Variants in CNTLN observed in about 807,000 individuals in gnomAD.
The protein encoded by CNTLN is centlein, also known as centlein, centrosomal protein.
Under a neutral mutation model 180.0 loss-of-function variants are expected in CNTLN, and 212 were observed. The ratio of observed to expected loss-of-function variants is 1.18; its 90% CI spans 1.05 to 1.32. The LOEUF is 1.32. Among genes scored for constraint, CNTLN ranks in the 40% most tolerant of loss-of-function variants. CNTLN has a pLI of 0.00. For missense variants in CNTLN, 2,095 were observed against 1,610.9 expected, an observed-to-expected ratio of 1.30 and a Z score of -5.14; for synonymous variants, 722 against 563.1, an observed-to-expected ratio of 1.28 and a Z score of -3.99.
intron 20 of CNTLN, among the ~76,000 whole-genome samples, chr9:17,463,575 A>G (rs1831576363): frequency 6.6e-6 from 1 of 151,668 alleles, no homozygotes; most frequent in Non-Finnish European, 1.5e-5. Context: ...TCACTGATAC[A>G]TTTGAGATAT....
intron 13 of CNTLN, among the ~76,000 whole-genome samples, chr9:17,380,935 C>T (rs1218661713): frequency 6.6e-6 from 1 of 152,206 alleles, no homozygotes; most frequent in African/African-American, 2.4e-5. Flanking sequence ...CACAATGCAA[C>T]AAGTGTAAAC....
At chr9:17,233,818 A>C (rs989740168) in intron 3 of CNTLN, among the ~76,000 whole-genome samples, 2 of 152,182 alleles carry the variant, frequency 1.3e-5, no homozygotes, top group African/African-American at 2.4e-5. Context: ...TAAGTTCAGA[A>C]GTAAGCAAAA....
intron 13 of CNTLN, among the ~76,000 whole-genome samples, chr9:17,381,486 G>T (rs991732620): frequency 6.6e-6 from 1 of 152,174 alleles, no homozygotes; most frequent in Non-Finnish European, 1.5e-5. Flanking sequence ...CCAGGTGGCA[G>T]TTTTCCAAAT....
chr9:17,346,648 AT>A (rs1326937041), intron 12 of CNTLN, among the ~76,000 whole-genome samples: 2 of 151,700 alleles, frequency 1.3e-5, no homozygotes, highest in Non-Finnish European at 2.9e-5. Context: ...GCTTTCAATC[AT>A]TTTTCCTTTT....
chr9:17,135,890 A>G lies in CNTLN; in HGVS notation c.360+465A>G, dbSNP rs138975216. On this transcript the variant is annotated intron_variant, in intron 1 of 25. Transcript: ENST00000380647. ...CAAACCCACACTTGGCTTTGTTTTT[A>G]CCCAGTCAAACTTAAGTTGTAAACA... Among the ~76,000 whole-genome samples the G allele has an allele frequency of 1.9e-3, 289 of 152,292 alleles. 2 individuals are homozygous for G. Among genetic ancestry groups the G allele is most frequent in the African/African-American group, 6.8e-3 (282 of 41,566 alleles).
intron 3 of CNTLN, among the ~76,000 whole-genome samples, chr9:17,226,835 G>T (rs1824499179): frequency 6.6e-6 from 1 of 151,970 alleles, no homozygotes; most frequent in Non-Finnish European, 1.5e-5. Flanking sequence ...AGAAGGCAAA[G>T]CATGTGACAC....
At chr9:17,312,365 T>TATATATATAATATATATATATATATA (rs1819221464) in intron 8 of CNTLN, among the ~76,000 whole-genome samples, 1 of 7,212 alleles carries the variant, frequency 1.4e-4, no homozygotes, top group African/African-American at 2.3e-4. Flanking sequence ...ATATATATAT[T>TATATATATAATATATATATATATATA]ATATATATAT....
chr9:17,316,020 C>G (rs1205730088), intron 8 of CNTLN, among the ~76,000 whole-genome samples: 1 of 151,872 alleles, frequency 6.6e-6, no homozygotes, highest in Admixed American at 6.6e-5. Flanking sequence ...TGTTTCCATG[C>G]TGATCTTCTG....
At position 17,409,384 on chromosome 9, in the gene CNTLN, C is replaced by G. The variant is rs760624279; in HGVS notation, c.2707C>G (p.Gln903Glu). The G allele has an allele frequency of 4.3e-6, 7 of 1,613,030 alleles. No homozygotes were observed. The Middle Eastern group carries it at 5.0e-4, about 114-fold the overall frequency. The change falls in exon 16 of 26, where the codon CAG becomes GAG. Residue 903 changes from glutamine to glutamate, a missense_variant. Physicochemically the swap from Gln to Glu is conservative, Grantham distance 29. Transcript: ENST00000380647. ...KISPTEDGKD[Q>E]KESDPTEDSQ... The stretch of plus-strand genomic sequence containing the variant: ...AAGTCCTACGGAAGATGGAAAAGAC[C>G]AGAAAGAAAGTGATCCAACAGAAGA...
chr9:17,204,542 G>A (rs1020028201), intron 2 of CNTLN, among the ~76,000 whole-genome samples: 1 of 152,134 alleles, frequency 6.6e-6, no homozygotes, highest in Non-Finnish European at 1.5e-5. Context: ...CTTTCCTCTG[G>A]AAGCTTCATC....
intron 18 of CNTLN, among the ~76,000 whole-genome samples, chr9:17,418,436 A>G (rs150815387): frequency 0.015 from 2,326 of 152,078 alleles, 57 homozygotes; most frequent in African/African-American, 0.053. Context: ...CTCTAACATA[A>G]TAACCAAAGC....
At chr9:17,318,450 G>A (rs909759916) in intron 8 of CNTLN, among the ~76,000 whole-genome samples, 1 of 152,208 alleles carries the variant, frequency 6.6e-6, no homozygotes, top group Non-Finnish European at 1.5e-5. Flanking sequence ...GCAGAACTCA[G>A]TGGGTACTTA....
intron 7 of CNTLN, chr9:17,301,328 C>T: frequency 7.1e-6 from 7 of 985,114 alleles, no homozygotes; most frequent in Non-Finnish European, 8.4e-6. Flanking sequence ...TATGTTTATC[C>T]CTTCCAAGAA....
At chr9:17,494,252 C>T (rs933748078) in intron 25 of CNTLN, among the ~76,000 whole-genome samples, 3 of 152,088 alleles carry the variant, frequency 2.0e-5, no homozygotes, top group African/African-American at 7.2e-5. Context: ...GATGCCTAAC[C>T]CATTGCCTAC....
chr9:17,384,779 G>T (rs1472319246), intron 13 of CNTLN, among the ~76,000 whole-genome samples: 4 of 152,084 alleles, frequency 2.6e-5, no homozygotes, highest in African/African-American at 9.7e-5. Context: ...CTGAAACAGT[G>T]TTCAGAGTTA....
chr9:17,418,717 G>T (rs1014046172), intron 18 of CNTLN, among the ~76,000 whole-genome samples: 1 of 151,822 alleles, frequency 6.6e-6, no homozygotes, highest in African/African-American at 2.4e-5. Context: ...ATTGAATCAG[G>T]CATCAGTAGG....
chr9:17,482,931 A>G (rs9644852), intron 23 of CNTLN, among the ~76,000 whole-genome samples: 112,059 of 152,020 alleles, frequency 0.74, 45,703 homozygotes, highest in Non-Finnish European at 0.89. Flanking sequence ...TAGCAAAAAA[A>G]TTGTGGTTTG....
intron 12 of CNTLN, among the ~76,000 whole-genome samples, chr9:17,354,269 C>T (rs1822630103): frequency 6.6e-6 from 1 of 152,200 alleles, no homozygotes; most frequent in African/African-American, 2.4e-5. Context: ...AGCACCACCC[C>T]CTGCTCCAGG....
chr9:17,268,837 G>T (rs1449361872), intron 5 of CNTLN, among the ~76,000 whole-genome samples: 1 of 151,718 alleles, frequency 6.6e-6, no homozygotes, highest in Non-Finnish European at 1.5e-5. Context: ...AGGACCCTCT[G>T]AGCCAGGTGC....
Sources: allele counts gnomAD v4.1 joint callset (sites outside exome capture counted in the v4.1 genomes callset), GRCh38; gene constraint gnomAD v4.1.1; transcripts MANE v1.5; gene names NCBI Gene and HGNC (gene_info 2026-07-23, HGNC 2026-07-21).